Variants in MAGI2 observed in about 807,000 individuals in gnomAD.
MAGI2 encodes the protein membrane associated guanylate kinase, WW and PDZ domain containing 2.
Under a neutral mutation model 133.3 loss-of-function variants are expected in MAGI2, and 35 were observed. The observed-to-expected ratio is 0.26, with a 90% CI of 0.20 to 0.35. The LOEUF (loss-of-function observed/expected upper bound fraction) is 0.35, where lower values mean the gene tolerates loss of function less well. Ranked by LOEUF, MAGI2 falls within the 10% of genes least tolerant of loss-of-function variation. MAGI2 has a pLI of 1.00. For missense variants in MAGI2, 1,636 were observed against 1,863.4 expected (o/e 0.88, Z 2.25); for synonymous variants, 729 against 710.6 (o/e 1.03, Z -0.41).
chr7:79,363,765 G>A (rs1842515323), intron 1 of MAGI2, among the ~76,000 whole-genome samples: 1 of 150,506 alleles, frequency 6.6e-6, no homozygotes, highest in Non-Finnish European at 1.5e-5. Context: ...ATCAACAGAG[G>A]GAAGAGACAA....
intron 3 of MAGI2, chr7:78,614,349 A>G (rs1173414271): frequency 6.8e-6 from 1 of 148,054 alleles, no homozygotes; most frequent in Non-Finnish European, 1.5e-5. Flanking sequence ...TGAGGTTTCT[A>G]AAAAAAATGG....
At chr7:78,520,330 G>T (rs993581192) in intron 4 of MAGI2, among the ~76,000 whole-genome samples, 1 of 151,970 alleles carries the variant, frequency 6.6e-6, no homozygotes, top group Non-Finnish European at 1.5e-5. Context: ...GAAGTTTTTC[G>T]CTGATAAAAA....
chr7:78,603,810 C>T (rs1313659207), intron 3 of MAGI2, among the ~76,000 whole-genome samples: 1 of 152,044 alleles, frequency 6.6e-6, no homozygotes, highest in Non-Finnish European at 1.5e-5. Context: ...TGTGAGTCAC[C>T]CCGCCCAGCC....
At chr7:78,358,124 C>T (rs936452168) in intron 7 of MAGI2, among the ~76,000 whole-genome samples, 5 of 125,236 alleles carry the variant, frequency 4.0e-5, no homozygotes, top group Non-Finnish European at 6.3e-5. Context: ...GATTGCGCCA[C>T]TGCACTCCAG....
intron 3 of MAGI2, among the ~76,000 whole-genome samples, chr7:78,607,989 T>C (rs1200712629): frequency 6.6e-6 from 1 of 152,230 alleles, no homozygotes; most frequent in Non-Finnish European, 1.5e-5. Flanking sequence ...TGGCTTCTCT[T>C]GAACATGTTC....
At chr7:79,347,676 A>G (rs906850459) in intron 1 of MAGI2, among the ~76,000 whole-genome samples, 9 of 151,916 alleles carry the variant, frequency 5.9e-5, no homozygotes, top group Non-Finnish European at 1.2e-4. Flanking sequence ...ATTTTAACAT[A>G]TATCATACTA....
intron 1 of MAGI2, among the ~76,000 whole-genome samples, chr7:79,077,244 T>G (rs188354753): frequency 3.9e-4 from 60 of 152,246 alleles, no homozygotes; most frequent in African/African-American, 1.4e-3. Context: ...CCAAGCTAGC[T>G]TTCACTATTC....
chr7:78,998,039 C>G (rs533584351), intron 2 of MAGI2, among the ~76,000 whole-genome samples: 4 of 152,216 alleles, frequency 2.6e-5, no homozygotes, highest in Admixed American at 1.3e-4. Flanking sequence ...CATTTACTAA[C>G]GCTGGACCAT....
intron 1 of MAGI2, among the ~76,000 whole-genome samples, chr7:79,158,141 G>A (rs891108429): frequency 2.0e-5 from 3 of 151,768 alleles, no homozygotes; most frequent in African/African-American, 7.3e-5. Flanking sequence ...CAAATTTAGG[G>A]CTATTTAGCT....
chr7:78,123,606 C>G (rs1454547358), intron 20 of MAGI2, among the ~76,000 whole-genome samples: 1 of 152,120 alleles, frequency 6.6e-6, no homozygotes, highest in East Asian at 1.9e-4. Context: ...CAGGTAGCAT[C>G]TACAGTGTGG....
Position 79,306,221 on chromosome 7 carries a change from A to ATATATTTTATTTATATGTATATG in MAGI2, c.301+146776_301+146798dup, listed in dbSNP as rs1189819287. Among the ~76,000 whole-genome samples the ATATATTTTATTTATATGTATATG allele has an allele frequency of 8.3e-4, 122 of 146,346 alleles. 1 individual carries two copies. Among genetic ancestry groups the ATATATTTTATTTATATGTATATG allele is most frequent in the African/African-American group, 3.0e-3 (120 of 40,386 alleles). ...TATACATGTATATATATATGTGTATATATATTTTATTTATATGTATATGTA... is the reference window on the plus strand; with the variant it reads ...TATACATGTATATATATATGTGTATATATATTTTATTTATATGTATATGTATATTTTATTTATATGTATATGTA... On this transcript the variant is annotated intron_variant, in intron 1 of 21. Coordinates refer to ENST00000354212, the MANE Select transcript of MAGI2 (RefSeq NM_012301.4).
chr7:79,060,129 C>G (rs1019616829), intron 1 of MAGI2, among the ~76,000 whole-genome samples: 6 of 151,804 alleles, frequency 4.0e-5, no homozygotes, highest in African/African-American at 1.5e-4. Flanking sequence ...CCCTATGAAA[C>G]CAAAATATCT....
chr7:78,083,386 GGGAGAGAGA>G (rs1816228282), intron 20 of MAGI2, among the ~76,000 whole-genome samples: 2 of 51,032 alleles, frequency 3.9e-5, no homozygotes, highest in African/African-American at 1.6e-4. Flanking sequence ...GAGGGAGGGG[GGGAGAGAGA>G]GAGAGAGAGA....
chr7:79,370,807 T>A (rs1443835623), intron 1 of MAGI2, among the ~76,000 whole-genome samples: 1 of 151,974 alleles, frequency 6.6e-6, no homozygotes, highest in African/African-American at 2.4e-5. Flanking sequence ...GCATAATATA[T>A]CAGTGATAAA....
chr7:79,097,890 G>A (rs1424447551), intron 1 of MAGI2, among the ~76,000 whole-genome samples: 4 of 152,158 alleles, frequency 2.6e-5, no homozygotes, highest in South Asian at 2.1e-4. Context: ...GGGAGGCAGA[G>A]GTGGGCAGAT....
At chr7:78,114,436 C>T (rs1819659552) in intron 20 of MAGI2, among the ~76,000 whole-genome samples, 1 of 152,202 alleles carries the variant, frequency 6.6e-6, no homozygotes, top group African/African-American at 2.4e-5. Context: ...AGCCTCAATG[C>T]TTTGTTTCTC....
chr7:79,382,625 A>G (rs1277843833), intron 1 of MAGI2, among the ~76,000 whole-genome samples: 2 of 151,668 alleles, frequency 1.3e-5, no homozygotes, highest in Non-Finnish European at 3.0e-5. Context: ...GTGTTTTTGT[A>G]AGGTTTAAAT....
chr7:78,263,544 G>C (rs1489387127), intron 9 of MAGI2, among the ~76,000 whole-genome samples: 23 of 152,040 alleles, frequency 1.5e-4, no homozygotes, highest in Admixed American at 1.5e-3. Context: ...GGGTAATGGG[G>C]TTCTAAAGTC....
chr7:78,684,147 A>G (rs1432850255), intron 2 of MAGI2, among the ~76,000 whole-genome samples: 2 of 152,158 alleles, frequency 1.3e-5, no homozygotes, highest in African/African-American at 2.4e-5. Flanking sequence ...AATACTAAAC[A>G]TTGTCCAGAA....
Sources: gnomAD v4.1 joint callset for allele counts (sites outside exome capture counted in the v4.1 genomes callset) on GRCh38, gnomAD v4.1.1 for gene constraint, MANE v1.5 for transcripts, NCBI Gene and HGNC (gene_info 2026-07-23, HGNC 2026-07-21) for gene names.